PCDH10: variants seen among roughly 807,000 people sequenced by gnomAD.
The protein encoded by PCDH10 is protocadherin 10.
Under a neutral mutation model 74.4 loss-of-function variants are expected in PCDH10, and 15 were observed. That is an observed-to-expected ratio of 0.20 (90% CI 0.13 to 0.31). The LOEUF (loss-of-function observed/expected upper bound fraction) is 0.31, where lower values mean the gene tolerates loss of function less well. Ranked by LOEUF, PCDH10 falls within the 10% of genes least tolerant of loss-of-function variation. PCDH10 has a pLI of 1.00. For synonymous variants in PCDH10, 619 were observed against 589.8 expected (o/e 1.05, Z -0.72); for missense variants, 1,260 against 1,390.2 (o/e 0.91, Z 1.49).
At position 133,152,550 on chromosome 4, in the gene PCDH10, A is replaced by G. The variant is rs2125859123; in HGVS notation, c.2410A>G (p.Ile804Val). 4 of 1,614,092 alleles carry G rather than the reference A, an allele frequency of 2.5e-6. No homozygotes were observed. The highest frequency in any genetic ancestry group is 2.5e-6 in the Non-Finnish European group (3 of 1,180,016). ...NVPSNPAQVPIEESGGFGSHH... is the reference protein window; with the variant it reads ...NVPSNPAQVPVEESGGFGSHH... ...ACCCAGTAACCCGGCCCAGGTGCCG[A>G]TAGAGGAGTCCGGGGGCTTTGGCTC... Residue 804 changes from isoleucine to valine, a missense_variant, in exon 1 of 5, where the codon ATA (isoleucine) becomes GTA (valine). Around this residue, in one of 11 missense-constraint regions of PCDH10, gnomAD observed 587 missense variants for 616.9 expected, o/e 0.95. Transcript: ENST00000264360.
chr4:133,173,246 A>G (rs1727233403), intron 4 of PCDH10, among the ~76,000 whole-genome samples: 1 of 151,994 alleles, frequency 6.6e-6, no homozygotes, highest in Non-Finnish European at 1.5e-5. Context: ...GGCTCAAGGA[A>G]TTCTGAATTG....
chr4:133,202,741 T>C (rs903113739), intron 2 of PCDH10, among the ~76,000 whole-genome samples: 1 of 152,194 alleles, frequency 6.6e-6, no homozygotes, highest in African/African-American at 2.4e-5. Context: ...TTTTATCCTG[T>C]TGTTTATCAG....
intron 4 of PCDH10, 31 bp from the exon 5 acceptor site, chr4:133,190,110 T>C: frequency 3.8e-6 from 6 of 1,589,808 alleles, no homozygotes; most frequent in Non-Finnish European, 5.2e-6. Context: ...CAACCTCTTT[T>C]TCTTAGAGTA....
intron 4 of PCDH10, among the ~76,000 whole-genome samples, chr4:133,187,780 A>G (rs1578576167): frequency 6.6e-6 from 1 of 152,088 alleles, no homozygotes; most frequent in Non-Finnish European, 1.5e-5. Context: ...TGTTCTTAAA[A>G]CTGTGAACCA....
Position 133,151,145 on chromosome 4 carries a change from C to G in PCDH10, c.1005C>G (p.Pro335=). The G allele has an allele frequency of 8.7e-6, 14 of 1,614,174 alleles. No individual in the cohort carries two copies. Among genetic ancestry groups the G allele is most frequent in the Non-Finnish European group, 1.2e-5 (14 of 1,180,028 alleles). Reference sequence around the variant, plus strand: ...ACGTGCAAGCCAAGGACCTGGGCCCCAACGCCGTGCCTGCGCACTGCAAGG... The same window carrying G: ...ACGTGCAAGCCAAGGACCTGGGCCCGAACGCCGTGCCTGCGCACTGCAAGG... ...QVYVQAKDLG[P]NAVPAHCKVL... The change falls in exon 1 of 5, where the codon CCC becomes CCG. Residue 335 remains proline, a synonymous_variant. Transcript: ENST00000264360.
intron 1 of PCDH10, 29 bp from the exon 2 acceptor site, chr4:133,154,278 T>C: frequency 1.3e-6 from 2 of 1,521,808 alleles, no homozygotes; most frequent in Non-Finnish European, 1.8e-6. Context: ...AGCATTCAAA[T>C]GCTCTTGATT....
At chr4:133,180,727 A>G (rs762197545) in intron 4 of PCDH10, among the ~76,000 whole-genome samples, 2 of 151,964 alleles carry the variant, frequency 1.3e-5, no homozygotes, top group African/African-American at 4.8e-5. Context: ...TGAATGCAAC[A>G]TTTTTACTTT....
Position 133,193,919 on chromosome 4 carries a change from AT to A in PCDH10, c.*3765del, listed in dbSNP as rs1393297488. On this transcript the variant is annotated 3_prime_UTR_variant, in exon 5 of 5. Transcript: ENST00000264360. ...AAAACAGAAAATAATGGAATTCCAT[AT>A]TTTTTACACCATGGAGTAGTAAAAT... 2.0e-5 allele frequency: 3 copies of A among 151,626 alleles called. No homozygotes were observed. Among genetic ancestry groups the A allele is most frequent in the Non-Finnish European group, 4.4e-5 (3 of 67,676 alleles). 9.4% of individuals were successfully genotyped at this position (151,626 alleles called of 1,614,324 possible).
intron 4 of PCDH10, among the ~76,000 whole-genome samples, chr4:133,164,226 A>G (rs184839383): frequency 6.6e-6 from 1 of 152,188 alleles, no homozygotes; most frequent in Non-Finnish European, 1.5e-5. Flanking sequence ...GACAGGAAAT[A>G]TTGAGATGTC....
At chr4:133,161,355 G>A (rs1056732080) in intron 3 of PCDH10, among the ~76,000 whole-genome samples, 2 of 152,002 alleles carry the variant, frequency 1.3e-5, no homozygotes, top group Non-Finnish European at 2.9e-5. Context: ...TATGTAATTT[G>A]CTATTCTTAA....
chr4:133,165,115 G>A (rs1234733187), intron 4 of PCDH10, among the ~76,000 whole-genome samples: 2 of 148,332 alleles, frequency 1.3e-5, no homozygotes, highest in Non-Finnish European at 3.0e-5. Context: ...TACATATGTT[G>A]GAATGAGTTA....
chr4:133,152,117 G>C lies in PCDH10; in HGVS notation c.1977G>C (p.Glu659Asp). ...AGCGGCCTTATGAGCTGGTGATCGAGGTGCGCGACCATGGGCAGCCGCCCC... is the reference window on the plus strand; with the variant it reads ...AGCGGCCTTATGAGCTGGTGATCGACGTGCGCGACCATGGGCAGCCGCCCC... ...DPQRPYELVI[E>D]VRDHGQPPLS... is the part of the protein sequence containing the mutation. Residue 659 changes from glutamate to aspartate, a missense_variant, in exon 1 of 5, where the codon GAG becomes GAC. By Grantham distance (45) the Glu-to-Asp change is conservative (BLOSUM62 2). Around this residue, in one of 11 missense-constraint regions of PCDH10, gnomAD observed 587 missense variants for 616.9 expected, o/e 0.95. Coordinates refer to ENST00000264360, the MANE Select transcript of PCDH10 (RefSeq NM_032961.3). 1 of 1,574,238 alleles carries C rather than the reference G, an allele frequency of 6.4e-7. No individual in the cohort carries two copies. The highest frequency in any genetic ancestry group is 8.6e-7 in the Non-Finnish European group (1 of 1,160,702).
intron 4 of PCDH10, among the ~76,000 whole-genome samples, chr4:133,185,407 A>C (rs1727525131): frequency 6.6e-6 from 1 of 152,046 alleles, no homozygotes; most frequent in African/African-American, 2.4e-5. Flanking sequence ...AAAAAAATTC[A>C]AAAAGATTTT....
At position 133,191,300 on chromosome 4, in the gene PCDH10, G is replaced by T. The variant is rs1422020518; in HGVS notation, c.*1140G>T. ...ATAGTTTTGTGACTTAATTACACAT[G>T]AATATAAAATCTATAATTCTATATG... On this transcript the variant is annotated 3_prime_UTR_variant, in exon 5 of 5. Transcript: ENST00000264360. The T allele has an allele frequency of 3.3e-5, 5 of 151,986 alleles. No homozygotes were observed. Among genetic ancestry groups the T allele is most frequent in the African/African-American group, 9.7e-5 (4 of 41,352 alleles). The allele number at this position is 151,986 out of a possible 1,614,324, so 9.4% of individuals were successfully genotyped here. A position where few individuals can be genotyped will look rare whatever the true frequency, so the allele number is the denominator to read the frequency against.
rs1272069470 is a variant in PCDH10, at chr4:133,190,531, T to C, written c.*371T>C. The C allele has an allele frequency of 5.0e-6, 1 of 201,840 alleles. No homozygotes were observed. The highest frequency in any genetic ancestry group is 1.7e-3 in the Middle Eastern group (1 of 576). 12.5% of individuals were successfully genotyped at this position (201,840 alleles called of 1,614,324 possible). On this transcript the variant is annotated 3_prime_UTR_variant, in exon 5 of 5. Coordinates refer to ENST00000264360, the MANE Select transcript of PCDH10 (RefSeq NM_032961.3). Reference sequence around the variant, plus strand: ...AAATTTGTGCATTATAAATGCAATATCACTGTTTTAAACTTGACTGTTTTA... The same window carrying C: ...AAATTTGTGCATTATAAATGCAATACCACTGTTTTAAACTTGACTGTTTTA...
At chr4:133,166,448 T>C (rs1348378390) in intron 4 of PCDH10, among the ~76,000 whole-genome samples, 2 of 151,542 alleles carry the variant, frequency 1.3e-5, no homozygotes, top group Non-Finnish European at 3.0e-5. Flanking sequence ...TTGTTTAGAA[T>C]CAGACATCTT....
chr4:133,156,683 A>T (rs749058463), intron 3 of PCDH10, among the ~76,000 whole-genome samples: 1 of 152,284 alleles, frequency 6.6e-6, no homozygotes, highest in Admixed American at 6.5e-5. Context: ...GTTTCTTTGG[A>T]TGCATTTTAC....
At chr4:133,203,382 A>C (rs1458491864) in intron 2 of PCDH10, among the ~76,000 whole-genome samples, 1 of 152,104 alleles carries the variant, frequency 6.6e-6, no homozygotes, top group Non-Finnish European at 1.5e-5. Context: ...GAAAGCCTCA[A>C]ATAATTATCA....
intron 4 of PCDH10, among the ~76,000 whole-genome samples, chr4:133,185,241 A>G (rs1727521454): frequency 6.6e-6 from 1 of 150,460 alleles, no homozygotes; most frequent in Non-Finnish European, 1.5e-5. Context: ...GGGGAGAGAA[A>G]GATATGATTT....
Sources: gnomAD v4.1 joint callset for allele counts (sites outside exome capture counted in the v4.1 genomes callset) on GRCh38, gnomAD v4.1.1 for gene constraint, gnomAD v4.1.1 regional missense constraint, MANE v1.5 for transcripts, NCBI Gene and HGNC (gene_info 2026-07-23, HGNC 2026-07-21) for gene names.